Variants in OR52N2 observed in about 807,000 individuals in gnomAD.
The protein encoded by OR52N2 is olfactory receptor family 52 subfamily N member 2.
For synonymous variants in OR52N2, 129 were observed against 72.0 expected (o/e 1.79, Z -4.01); for missense variants, 326 against 196.6 (o/e 1.66, Z -3.94).
At chr11:5,819,989 T>C (rs1300703817) in intron 1 of OR52N2, among the ~76,000 whole-genome samples, 7 of 152,182 alleles carry the variant, frequency 4.6e-5, no homozygotes, top group African/African-American at 1.7e-4. Context: ...AGGAAGACAG[T>C]TACAGCCTAA....
At chr11:5,816,172 A>G (rs1590366757) in intron 1 of OR52N2, among the ~76,000 whole-genome samples, 1 of 152,140 alleles carries the variant, frequency 6.6e-6, no homozygotes, top group Admixed American at 6.5e-5. Context: ...GGCTGGTGGG[A>G]GGGCAAATGG....
chr11:5,820,437 C>T lies in OR52N2; in HGVS notation c.102C>T (p.Cys34=). 1.3e-6 allele frequency: 1 copy of T among 780,754 alleles called. No homozygotes were observed. Among genetic ancestry groups the T allele is most frequent in the Non-Finnish European group, 2.4e-6 (1 of 418,022 alleles). 48.4% of individuals were successfully genotyped at this position (780,754 alleles called of 1,614,324 possible). Residue 34 remains cysteine, a synonymous_variant, in exon 2 of 2, where the codon TGC becomes TGT. Coordinates refer to ENST00000317037, the MANE Select transcript of OR52N2 (RefSeq NM_001005174.3). ...ACATCTGGATCTCCCTGCCATTCTG[C>T]TTTATGTACATCATTGCTGTCGTGG... ...ATHIWISLPF[C]FMYIIAVVGN...
In OR52N2 at chr11:5,821,407, C is replaced by A; in HGVS notation, c.*106C>A. On this transcript the variant is annotated 3_prime_UTR_variant, in exon 2 of 2. Coordinates refer to ENST00000317037, the MANE Select transcript of OR52N2 (RefSeq NM_001005174.3). ...TTAAAATCATGACATGTAATTTACC[C>A]ATGTAACAAACTTGCACGTGTACCT... is the stretch of plus-strand genomic sequence containing the variant. The A allele has an allele frequency of 3.2e-6, 2 of 627,666 alleles. No individual in the cohort carries two copies. Among genetic ancestry groups the A allele is most frequent in the South Asian group, 2.0e-5 (1 of 49,058 alleles). The allele number at this position is 627,666 out of a possible 1,614,324, so 38.9% of individuals were successfully genotyped here.
intron 1 of OR52N2, among the ~76,000 whole-genome samples, chr11:5,812,861 C>A (rs1846374628): frequency 6.6e-6 from 1 of 151,876 alleles, no homozygotes; most frequent in Non-Finnish European, 1.5e-5. Flanking sequence ...AGACTGAAAT[C>A]ATATCAAATA....
chr11:5,815,050 C>G (rs1325270366), intron 1 of OR52N2, among the ~76,000 whole-genome samples: 2 of 152,102 alleles, frequency 1.3e-5, no homozygotes, highest in African/African-American at 4.8e-5. Context: ...TGTTACATAA[C>G]AGCATGTCCA....
rs145148379 is a variant in OR52N2 at position 5,809,634 on chromosome 11, T to C, written c.-55+580T>C. Among the ~76,000 whole-genome samples the C allele has an allele frequency of 3.3e-5, 5 of 150,984 alleles. No homozygotes were observed. The East Asian group carries it at 5.8e-4, about 18-fold the overall frequency. Reference sequence around the variant, plus strand: ...GAGGAACTCAGAGAAAATTATTGTATCTTACATTGTCTTTCAAAAAAAAAA... The same window carrying C: ...GAGGAACTCAGAGAAAATTATTGTACCTTACATTGTCTTTCAAAAAAAAAA... On this transcript the variant is annotated intron_variant, in intron 1 of 1. Transcript: ENST00000317037.
At chr11:5,815,650 G>A (rs935252863) in intron 1 of OR52N2, among the ~76,000 whole-genome samples, 44 of 152,034 alleles carry the variant, frequency 2.9e-4, no homozygotes, top group Non-Finnish European at 5.9e-4. Context: ...CTACAGCTGC[G>A]GTGGAAAACA....
In OR52N2 at chr11:5,820,365, C is replaced by G; in HGVS notation, c.30C>G (p.Thr10=). 1 of 780,872 alleles carries G rather than the reference C, an allele frequency of 1.3e-6. No homozygotes were observed. Among genetic ancestry groups the G allele is most frequent in the Non-Finnish European group, 2.4e-6 (1 of 418,070 alleles). 48.4% of individuals were successfully genotyped at this position (780,872 alleles called of 1,614,324 possible). A position where few individuals can be genotyped will look rare whatever the true frequency, so the allele number is the denominator to read the frequency against. ...CTGGGGACAACAGCTCCAGCCTGAC[C>G]CCAGGATTCTTTATCTTGAATGGCG... The part of the protein sequence containing the change: MSGDNSSSL[T]PGFFILNGVP... The change falls in exon 2 of 2, where the codon ACC becomes ACG. Residue 10 remains threonine (T), a synonymous_variant. Coordinates refer to ENST00000317037, the MANE Select transcript of OR52N2 (RefSeq NM_001005174.3).
chr11:5,809,415 G>C (rs1836683540), intron 1 of OR52N2, among the ~76,000 whole-genome samples: 1 of 152,100 alleles, frequency 6.6e-6, no homozygotes, highest in African/African-American at 2.4e-5. Flanking sequence ...AAGGGAAGGG[G>C]AACACGGGGT....
chr11:5,809,848 T>A (rs1316029327), intron 1 of OR52N2, among the ~76,000 whole-genome samples: 1 of 152,198 alleles, frequency 6.6e-6, no homozygotes, highest in East Asian at 1.9e-4. Flanking sequence ...GCCTTCCTTT[T>A]GTTATTTACC....
In OR52N2 at chr11:5,821,383, T is replaced by C. The variant is rs1846453370; in HGVS notation, c.*82T>C. On this transcript the variant is annotated 3_prime_UTR_variant, in exon 2 of 2. Transcript: ENST00000317037. Reference sequence around the variant, plus strand: ...ATAAAAGATGTGAATAAAATGGTATTAAAATCATGACATGTAATTTACCCA... The same window carrying C: ...ATAAAAGATGTGAATAAAATGGTATCAAAATCATGACATGTAATTTACCCA... The C allele has an allele frequency of 1.5e-6, 1 of 660,976 alleles. No individual in the cohort carries two copies. The highest frequency in any genetic ancestry group is 2.7e-6 in the Non-Finnish European group (1 of 367,908). The allele number at this position is 660,976 out of a possible 1,614,324, so 40.9% of individuals were successfully genotyped here.
Position 5,821,389 on chromosome 11 carries a change from C to G in OR52N2, c.*88C>G. On this transcript the variant is annotated 3_prime_UTR_variant, in exon 2 of 2. Coordinates refer to ENST00000317037, the MANE Select transcript of OR52N2 (RefSeq NM_001005174.3). ...GATGTGAATAAAATGGTATTAAAAT[C>G]ATGACATGTAATTTACCCATGTAAC... 2 of 651,786 alleles carry G rather than the reference C, an allele frequency of 3.1e-6. No homozygotes were observed. The highest frequency in any genetic ancestry group is 5.5e-6 in the Non-Finnish European group (2 of 363,194). 40.4% of individuals were successfully genotyped at this position (651,786 alleles called of 1,614,324 possible). A position where few individuals can be genotyped will look rare whatever the true frequency, so the allele number is the denominator to read the frequency against.
At chr11:5,815,159 T>C (rs1846394480) in intron 1 of OR52N2, among the ~76,000 whole-genome samples, 2 of 152,074 alleles carry the variant, frequency 1.3e-5, no homozygotes, top group Admixed American at 6.5e-5. Context: ...ACATTGGATT[T>C]GGTAATGATT....
rs1005922997 is a variant in OR52N2 at position 5,809,074 on chromosome 11, C to T, written c.-55+20C>T. Among the ~76,000 whole-genome samples the T allele has an allele frequency of 2.6e-5, 4 of 152,134 alleles. No homozygotes were observed. The highest frequency in any genetic ancestry group is 9.7e-5 in the African/African-American group (4 of 41,436). The stretch of plus-strand genomic sequence containing the variant: ...CCCTGGGTAGGATGACTGAAGATCC[C>T]TTTCTGAAGGAGAGTGGGGATCCCA... On this transcript the variant is annotated intron_variant, in intron 1 of 1. Transcript: ENST00000317037.
intron 1 of OR52N2, among the ~76,000 whole-genome samples, chr11:5,815,431 T>C (rs1164799466): frequency 1.3e-5 from 2 of 152,018 alleles, no homozygotes; most frequent in African/African-American, 4.8e-5. Context: ...GAATAGACAT[T>C]TCTCCAAAGA....
chr11:5,811,945 A>C (rs1846364071), intron 1 of OR52N2, among the ~76,000 whole-genome samples: 1 of 152,202 alleles, frequency 6.6e-6, no homozygotes, highest in African/African-American at 2.4e-5. Context: ...CTAAAATAGC[A>C]TTTAAATCAA....
rs73394374 is a variant in OR52N2, at chr11:5,820,548, T to A, written c.213T>A (p.Thr71=). Residue 71 remains threonine (T), a synonymous_variant, in exon 2 of 2, where the codon ACT becomes ACA. Coordinates refer to ENST00000317037, the MANE Select transcript of OR52N2 (RefSeq NM_001005174.3). The stretch of plus-strand genomic sequence containing the variant: ...ACTTCCTGGCCCTGCTCTCCTTCAC[T>A]GATGTCACCTTGTGCACCACCATGG... ...MYYFLALLSF[T]DVTLCTTMVP... 40,560 of 780,014 alleles carry A rather than the reference T, an allele frequency of 0.052. 1,302 individuals are homozygous for A. The highest frequency in any genetic ancestry group is 0.078 in the African/African-American group (4,592 of 59,188). 48.3% of individuals were successfully genotyped at this position (780,014 alleles called of 1,614,324 possible).
chr11:5,818,031 C>G (rs1168062044), intron 1 of OR52N2, among the ~76,000 whole-genome samples: 1 of 152,096 alleles, frequency 6.6e-6, no homozygotes, highest in African/African-American at 2.4e-5. Flanking sequence ...TCCATATCAT[C>G]TGCAATTTAC....
chr11:5,821,125 C>A lies in OR52N2; in HGVS notation c.790C>A (p.His264Asn), dbSNP rs751146036. The A allele has an allele frequency of 1.3e-6, 1 of 780,420 alleles. No homozygotes were observed. Among genetic ancestry groups the A allele is most frequent in the Non-Finnish European group, 2.4e-6 (1 of 418,114 alleles). 48.3% of individuals were successfully genotyped at this position (780,420 alleles called of 1,614,324 possible). A position where few individuals can be genotyped will look rare whatever the true frequency, so the allele number is the denominator to read the frequency against. Residue 264 changes from histidine to asparagine, a missense_variant, in exon 2 of 2, where the codon CAT becomes AAT. By Grantham distance (68) the His-to-Asn change is moderately conservative. Transcript: ENST00000317037. ...TGCTGCTTTTTTCACTTTTTTCACT[C>A]ATCGTTTTGTAGGACACAATATCCC... Reference protein sequence around the residue: ...YVAAFFTFFTHRFVGHNIPNH... With the variant: ...YVAAFFTFFTNRFVGHNIPNH...
Sources: gnomAD v4.1 joint callset for allele counts (sites outside exome capture counted in the v4.1 genomes callset) on GRCh38, gnomAD v4.1.1 for gene constraint, MANE v1.5 for transcripts, NCBI Gene and HGNC (gene_info 2026-07-23, HGNC 2026-07-21) for gene names.